The following LCOR variants were observed in gnomAD, a reference collection of about 807,000 sequenced individuals.
LCOR encodes the protein ligand dependent nuclear receptor corepressor, also known as ligand-dependent corepressor.
Under a neutral mutation model 64.4 loss-of-function variants are expected in LCOR, and 14 were observed. That is an observed-to-expected ratio of 0.22 (90% CI 0.14 to 0.34). The LOEUF is 0.34. Among genes scored for constraint, LCOR ranks in the 10% least tolerant of loss-of-function variants. LCOR has a pLI of 1.00. For synonymous variants in LCOR, 643 were observed against 642.5 expected (o/e 1.00, Z -0.01); for missense variants, 1,686 against 1,765.3 (o/e 0.96, Z 0.80).
At position 96,949,352 on chromosome 10, in the gene LCOR, A is replaced by G. The variant is rs896553759; in HGVS notation, c.238+57A>G. The G allele has an allele frequency of 2.8e-5, 34 of 1,221,742 alleles. 1 individual carries two copies. In the Middle Eastern group the frequency reaches 6.7e-4, roughly 24 times the overall value. The allele number at this position is 1,221,742 out of a possible 1,614,324, so 75.7% of individuals were successfully genotyped here. A position where few individuals can be genotyped will look rare whatever the true frequency, so the allele number is the denominator to read the frequency against. ...TATCAGAATACTTTACTTTGGGGAG[A>G]AAAAAAAAAGCATTGGCAAGTAGAG... is the stretch of plus-strand genomic sequence containing the variant. On this transcript the variant is annotated intron_variant, in intron 6 of 7. Transcript: ENST00000421806.
chr10:96,965,385 G>A (rs1329596737), intron 7 of LCOR, among the ~76,000 whole-genome samples: 4 of 151,038 alleles, frequency 2.6e-5, no homozygotes, highest in East Asian at 3.9e-4. Flanking sequence ...TTTGTCGGCC[G>A]GGCACGATGG....
intron 2 of LCOR, among the ~76,000 whole-genome samples, chr10:96,882,408 G>A (rs1846278377): frequency 6.6e-6 from 1 of 152,190 alleles, no homozygotes; most frequent in South Asian, 2.1e-4. Context: ...TTGATGAGTA[G>A]TGGTGGGATT....
chr10:96,852,805 A>G (rs1845742359), intron 2 of LCOR, among the ~76,000 whole-genome samples: 1 of 152,028 alleles, frequency 6.6e-6, no homozygotes, highest in Admixed American at 6.6e-5. Flanking sequence ...TTTAGTGACT[A>G]TTTTGCCTCT....
intron 2 of LCOR, among the ~76,000 whole-genome samples, chr10:96,878,792 T>TCTCCC (rs371109957): frequency 2.6e-5 from 4 of 152,044 alleles, no homozygotes; most frequent in Admixed American, 6.6e-5. Context: ...CCTTCTCTCT[T>TCTCCC]CTCCCCTCCC....
In LCOR at chr10:96,911,217, C is replaced by T. The variant is rs188881758; in HGVS notation, c.-184+3470C>T. On this transcript the variant is annotated intron_variant, in intron 4 of 7. Transcript: ENST00000421806. Reference sequence around the variant, plus strand: ...GGTTCAAGCGATTCTCATGCCTTAGCCTCCTGAGTAGCTGGAACTACAGGC... The same window carrying T: ...GGTTCAAGCGATTCTCATGCCTTAGTCTCCTGAGTAGCTGGAACTACAGGC... 1.0e-2 allele frequency among the ~76,000 whole-genome samples: 1,508 copies of T among 151,202 alleles called. 22 individuals carry two copies. The highest frequency in any genetic ancestry group is 0.031 in the African/African-American group (1,289 of 41,176).
chr10:96,897,077 GAGAA>G lies in LCOR; in HGVS notation c.-329-10184_-329-10181del, dbSNP rs1245877120. On this transcript the variant is annotated intron_variant, in intron 2 of 7. Transcript: ENST00000421806. ...TGAGAGAGAGAGAGAGAGAGAGAAA[GAGAA>G]AGAGAAAGAGAAAGAAAAGCAAAAA... 7.4e-4 allele frequency among the ~76,000 whole-genome samples: 90 copies of G among 120,902 alleles called. 1 individual carries two copies. The highest frequency in any genetic ancestry group is 2.8e-3 in the African/African-American group (85 of 30,540). 79.3% of individuals were successfully genotyped at this position (120,902 alleles called of 152,430 possible).
At chr10:96,921,061 G>T (rs1418952014) in intron 4 of LCOR, among the ~76,000 whole-genome samples, 2 of 151,868 alleles carry the variant, frequency 1.3e-5, no homozygotes, top group African/African-American at 4.8e-5. Flanking sequence ...GAACTCCTAG[G>T]CTCATGCTGT....
chr10:96,898,658 T>C (rs1161717788), intron 2 of LCOR, among the ~76,000 whole-genome samples: 1 of 152,226 alleles, frequency 6.6e-6, no homozygotes, highest in Non-Finnish European at 1.5e-5. Flanking sequence ...GTTTTAAATC[T>C]AGATATTGGC....
chr10:96,849,858 C>CT (rs964263701), intron 2 of LCOR, among the ~76,000 whole-genome samples: 5,206 of 115,372 alleles, frequency 0.045, 213 homozygotes, highest in African/African-American at 0.1. Flanking sequence ...GTGTCACTCA[C>CT]TTTTTTTTTT....
chr10:96,982,950 C>T lies in LCOR; in HGVS notation c.2490C>T (p.Cys830=), dbSNP rs1311598247. The part of the protein sequence containing the change: ...QLSDSSSADR[C]LRNQSSDSSS... ...CGGATTCTTCCTCTGCTGACAGATG[C>T]CTAAGAAATCAGAGTTCAGATTCTT... The change falls in exon 8 of 8, where the codon TGC becomes TGT. Residue 830 remains cysteine (C), a synonymous_variant. Transcript: ENST00000421806. 1.9e-6 allele frequency: 3 copies of T among 1,612,980 alleles called. No homozygotes were observed. The South Asian group carries it at 3.3e-5, about 18-fold the overall frequency.
chr10:96,895,257 C>T (rs1846517308), intron 2 of LCOR, among the ~76,000 whole-genome samples: 1 of 152,184 alleles, frequency 6.6e-6, no homozygotes, highest in African/African-American at 2.4e-5. Flanking sequence ...CATTTACCCT[C>T]CAGTCTTCTC....
chr10:96,939,755 A>C (rs577106365), intron 4 of LCOR, among the ~76,000 whole-genome samples: 207 of 152,344 alleles, frequency 1.4e-3, no homozygotes, highest in Non-Finnish European at 2.6e-3. Flanking sequence ...CAAGGTCAGG[A>C]GATCGAGACC....
intron 7 of LCOR, among the ~76,000 whole-genome samples, chr10:96,975,742 T>TG (rs996282531): frequency 2.0e-5 from 3 of 151,606 alleles, no homozygotes; most frequent in African/African-American, 7.3e-5. Flanking sequence ...TGGCCAGGAG[T>TG]GGTGGCCCAC....
At chr10:96,884,143 C>T (rs1846305963) in intron 2 of LCOR, among the ~76,000 whole-genome samples, 1 of 152,088 alleles carries the variant, frequency 6.6e-6, no homozygotes, top group East Asian at 1.9e-4. Flanking sequence ...TTATACTAAG[C>T]TGTTATCTGC....
At chr10:96,870,389 C>CA (rs774100137) in intron 2 of LCOR, among the ~76,000 whole-genome samples, 19 of 152,114 alleles carry the variant, frequency 1.2e-4, no homozygotes, top group African/African-American at 4.1e-4. Context: ...CCATAATAAA[C>CA]AAAAAAACAC....
At chr10:96,962,164 C>T (rs1847891886) in intron 7 of LCOR, 1 of 151,892 alleles carries the variant, frequency 6.6e-6, no homozygotes, top group Non-Finnish European at 1.5e-5. Context: ...ACATTTTGTA[C>T]CTTTCTAGCA....
At chr10:96,879,542 A>G (rs917131700) in intron 2 of LCOR, among the ~76,000 whole-genome samples, 4 of 152,246 alleles carry the variant, frequency 2.6e-5, no homozygotes, top group African/African-American at 9.6e-5. Flanking sequence ...TAGTGCTGGT[A>G]GAAGAGTCGT....
In LCOR at chr10:96,984,290, G is replaced by C. The variant is rs1211858060; in HGVS notation, c.3830G>C (p.Ser1277Thr). Reference protein sequence around the residue: ...QVEPEDGSDVSPGPNSEDSIE... With the variant: ...QVEPEDGSDVTPGPNSEDSIE... ...GAGCCAGAAGATGGCAGTGATGTCA[G>C]CCCCGGCCCTAATTCTGAAGACAGC... The change falls in exon 8 of 8, where the codon AGC (serine) becomes ACC (threonine). Residue 1277 changes from serine to threonine, a missense_variant. Physicochemically the swap from Ser to Thr is moderately conservative, Grantham distance 58. Around this residue, in one of 3 missense-constraint regions of LCOR, gnomAD observed 1,293 missense variants for 1,410.4 expected, o/e 0.92. Transcript: ENST00000421806. 1.2e-6 allele frequency: 2 copies of C among 1,614,020 alleles called. No individual in the cohort carries two copies. Among genetic ancestry groups the C allele is most frequent in the South Asian group, 2.2e-5 (2 of 91,092 alleles).
chr10:96,839,209 G>T (rs1564597846), intron 2 of LCOR, among the ~76,000 whole-genome samples: 1 of 152,056 alleles, frequency 6.6e-6, no homozygotes, highest in African/African-American at 2.4e-5. Flanking sequence ...TTAAAATTGG[G>T]TTATTATTTA....
Sources: gnomAD v4.1 joint callset for allele counts (sites outside exome capture counted in the v4.1 genomes callset) on GRCh38, gnomAD v4.1.1 for gene constraint, gnomAD v4.1.1 regional missense constraint, MANE v1.5 for transcripts, NCBI Gene and HGNC (gene_info 2026-07-23, HGNC 2026-07-21) for gene names.